The following STK39 variants were observed in gnomAD, a reference collection of about 807,000 sequenced individuals.
STK39 encodes STE20/SPS1-related proline-alanine-rich protein kinase.
A neutral mutation model predicts 77.8 loss-of-function variants in STK39; 20 were observed. That is an observed-to-expected ratio of 0.26 (90% CI 0.18 to 0.37). The LOEUF is 0.37. Among genes scored for constraint, STK39 ranks in the 10% least tolerant of loss-of-function variants. The pLI is 1.00. For synonymous variants in STK39, 246 were observed against 234.1 expected, an observed-to-expected ratio of 1.05 and a Z score of -0.47; for missense variants, 479 against 656.5, an observed-to-expected ratio of 0.73 and a Z score of 2.95.
intron 10 of STK39, among the ~76,000 whole-genome samples, chr2:168,100,484 G>A (rs1333096132): frequency 4.6e-5 from 7 of 152,052 alleles, no homozygotes; most frequent in East Asian, 1.9e-4. Context: ...GGCTGGTCTC[G>A]AACTCCTGGG....
intron 3 of STK39, 89 bp from the exon 4 acceptor site, chr2:168,163,969 C>T: frequency 6.7e-7 from 1 of 1,488,692 alleles, no homozygotes; most frequent in Non-Finnish European, 9.0e-7. Context: ...TTAATAGAAA[C>T]ATCAAAATAT....
chr2:168,220,540 T>C lies in STK39; in HGVS notation c.208+26688A>G, dbSNP rs558885299. On this transcript the variant is annotated intron_variant, in intron 1 of 17. Coordinates refer to ENST00000355999, the MANE Select transcript of STK39 (RefSeq NM_013233.3). ...AGAGCAGCGATTAATAGAGCACTGA[T>C]AGGTGAAAGAGATGACTAACATGGA... is the stretch of plus-strand genomic sequence containing the variant. Among the ~76,000 whole-genome samples, 9 of 152,270 alleles carry C rather than the reference T, an allele frequency of 5.9e-5. No individual in the cohort carries two copies. In the East Asian group the frequency reaches 7.7e-4, roughly 13 times the overall value.
Position 168,118,473 on chromosome 2 carries a change from A to T in STK39, c.1089+11068T>A, listed in dbSNP as rs1322101296. Among the ~76,000 whole-genome samples the T allele has an allele frequency of 2.6e-5, 4 of 152,230 alleles. No homozygotes were observed. The East Asian group carries it at 7.7e-4, about 29-fold the overall frequency. ...AAGTTTACACAGCTCACTGTCTTTC[A>T]AGATCAATCTAAAAATAAAGACATT... is the stretch of plus-strand genomic sequence containing the variant. On this transcript the variant is annotated intron_variant, in intron 10 of 17. Coordinates refer to ENST00000355999, the MANE Select transcript of STK39 (RefSeq NM_013233.3).
In STK39 at chr2:168,205,460, T is replaced by TA. The variant is rs1559145479; in HGVS notation, c.209-23371dup. Reference sequence around the variant, plus strand: ...AAAATTACTTTATAATATTAAATCTTAAAAAAATAAAATTTCTGAAGCCAA... The same window carrying TA: ...AAAATTACTTTATAATATTAAATCTTAAAAAAAATAAAATTTCTGAAGCCAA... On this transcript the variant is annotated intron_variant, in intron 1 of 17. Coordinates refer to ENST00000355999, the MANE Select transcript of STK39 (RefSeq NM_013233.3). 2.0e-5 allele frequency among the ~76,000 whole-genome samples: 3 copies of TA among 152,226 alleles called. No individual in the cohort carries two copies. The South Asian group carries it at 6.2e-4, about 32-fold the overall frequency.
In STK39 at chr2:167,955,313, T is replaced by TA. The variant is rs1279441647; in HGVS notation, c.*182_*183insT. The TA allele has an allele frequency of 9.0e-6, 5 of 557,742 alleles. No homozygotes were observed. Among genetic ancestry groups the TA allele is most frequent in the Admixed American group, 3.3e-5 (1 of 29,974 alleles). The allele number at this position is 557,742 out of a possible 1,614,324, so 34.5% of individuals were successfully genotyped here. A position where few individuals can be genotyped will look rare whatever the true frequency, so the allele number is the denominator to read the frequency against. ...GAGAATAAAGCAGAACTCGGAGTGT[T>TA]GTAAGTTTTAAAAAATTATTTTTTT... On this transcript the variant is annotated 3_prime_UTR_variant, in exon 18 of 18. Transcript: ENST00000355999.
At chr2:168,076,567 T>C (rs1225411504) in intron 10 of STK39, among the ~76,000 whole-genome samples, 1 of 152,208 alleles carries the variant, frequency 6.6e-6, no homozygotes, top group East Asian at 1.9e-4. Context: ...CCTTACCATC[T>C]AGAACCTGTA....
At chr2:168,104,605 G>T (rs1198633714) in intron 10 of STK39, among the ~76,000 whole-genome samples, 3 of 152,182 alleles carry the variant, frequency 2.0e-5, no homozygotes, top group Non-Finnish European at 4.4e-5. Context: ...AATATTTTCA[G>T]AAAATGAGTG....
At position 168,038,138 on chromosome 2, in the gene STK39, A is replaced by G. The variant is rs76922295; in HGVS notation, c.1377-21043T>C. ...TAGACTAGGATACAAAGCCGAGTCT[A>G]TGGTATAATTAAAAACACACATGTA... On this transcript the variant is annotated intron_variant, in intron 14 of 17. Transcript: ENST00000355999. Among the ~76,000 whole-genome samples, 504 of 152,298 alleles carry G rather than the reference A, an allele frequency of 3.3e-3. 24 individuals carry two copies. The East Asian group carries it at 0.082, about 25-fold the overall frequency.
chr2:168,199,498 T>G (rs1689558168), intron 1 of STK39, among the ~76,000 whole-genome samples: 2 of 152,170 alleles, frequency 1.3e-5, no homozygotes, highest in African/African-American at 4.8e-5. Context: ...GATAAATTAC[T>G]TTGTAAAAGG....
chr2:168,211,042 T>TCCGTTTTCTCTA (rs1430596606), intron 1 of STK39, among the ~76,000 whole-genome samples: 5 of 152,196 alleles, frequency 3.3e-5, no homozygotes, highest in Admixed American at 6.5e-5. Context: ...AACGTATTAG[T>TCCGTTTTCTCTA]CCGTTTTCTC....
rs1198482485 is a variant in STK39, at chr2:168,242,558, AAAATATATATATATAT to A, written c.208+4654_208+4669del. On this transcript the variant is annotated intron_variant, in intron 1 of 17. Coordinates refer to ENST00000355999, the MANE Select transcript of STK39 (RefSeq NM_013233.3). ...AGCAAGACTCTTACAAAAAAAAAAAAAAATATATATATATATATATATATATATATATATATATAAA... is the reference window on the plus strand; with the variant it reads ...AGCAAGACTCTTACAAAAAAAAAAAAATATATATATATATATATATATAAA... Among the ~76,000 whole-genome samples the A allele has an allele frequency of 5.6e-3, 357 of 63,594 alleles. 32 individuals are homozygous for A. The highest frequency in any genetic ancestry group is 0.023 in the African/African-American group (308 of 13,184). 41.7% of individuals were successfully genotyped at this position (63,594 alleles called of 152,430 possible). A position where few individuals can be genotyped will look rare whatever the true frequency, so the allele number is the denominator to read the frequency against.
intron 1 of STK39, among the ~76,000 whole-genome samples, chr2:168,190,762 A>G (rs144107275): frequency 1.1e-3 from 164 of 152,328 alleles, no homozygotes; most frequent in African/African-American, 3.4e-3. Context: ...TCTGACTTTT[A>G]TAGTCAGTAA....
chr2:168,247,427 C>T lies in STK39; in HGVS notation c.9G>A (p.Glu3=). ...GGACGTGCACGGGCGAGCCGCTCGG[C>T]TCCGCCATGATGCTGCGGAGGAGAG... is the stretch of plus-strand genomic sequence containing the variant. MA[E]PSGSPVHVQL... Residue 3 remains glutamate (E), a synonymous_variant, in exon 1 of 18, where the codon GAG becomes GAA. Transcript: ENST00000355999. 7.9e-7 allele frequency: 1 copy of T among 1,261,436 alleles called. No homozygotes were observed. Among genetic ancestry groups the T allele is most frequent in the Non-Finnish European group, 1.0e-6 (1 of 993,386 alleles). 78.1% of individuals were successfully genotyped at this position (1,261,436 alleles called of 1,614,324 possible).
At chr2:168,164,413 C>G (rs921320218) in intron 3 of STK39, among the ~76,000 whole-genome samples, 1 of 151,946 alleles carries the variant, frequency 6.6e-6, no homozygotes, top group Non-Finnish European at 1.5e-5. Context: ...CCTTCTTTTT[C>G]TTTTTTTATT....
chr2:168,224,513 C>T (rs1431043321), intron 1 of STK39, among the ~76,000 whole-genome samples: 2 of 151,682 alleles, frequency 1.3e-5, no homozygotes, highest in East Asian at 3.8e-4. Context: ...CACACTAAGC[C>T]AGGCATTAGG....
At chr2:168,135,773 A>C (rs1351245559) in intron 8 of STK39, among the ~76,000 whole-genome samples, 3 of 152,174 alleles carry the variant, frequency 2.0e-5, no homozygotes, top group Admixed American at 6.5e-5. Context: ...AGAAAGAGCT[A>C]CCTGGGAAGG....
At position 168,167,804 on chromosome 2, in the gene STK39, C is replaced by G. The variant is rs866345249; in HGVS notation, c.322-397G>C. ...TAGGACACCTGCATCCTGGTGCCAG[C>G]CTGAACTCTGGTGGATCTTAGCTCC... is the stretch of plus-strand genomic sequence containing the variant. On this transcript the variant is annotated intron_variant, in intron 2 of 17. Coordinates refer to ENST00000355999, the MANE Select transcript of STK39 (RefSeq NM_013233.3). Among the ~76,000 whole-genome samples, 372 of 152,260 alleles carry G rather than the reference C, an allele frequency of 2.4e-3. 4 individuals are homozygous for G. Among genetic ancestry groups the G allele is most frequent in the African/African-American group, 8.7e-3 (360 of 41,558 alleles).
intron 14 of STK39, among the ~76,000 whole-genome samples, chr2:168,062,032 C>A (rs1431970325): frequency 6.6e-6 from 1 of 152,090 alleles, no homozygotes; most frequent in Non-Finnish European, 1.5e-5. Context: ...TTAAAGGGGC[C>A]ATCATGGAGA....
chr2:168,082,096 A>G (rs563866159), intron 10 of STK39, among the ~76,000 whole-genome samples: 2 of 152,290 alleles, frequency 1.3e-5, no homozygotes, highest in East Asian at 3.9e-4. Flanking sequence ...TGCTGTGTGC[A>G]AAGACAATGG....
Sources: allele counts gnomAD v4.1 joint callset (sites outside exome capture counted in the v4.1 genomes callset), GRCh38; gene constraint gnomAD v4.1.1; transcripts MANE v1.5; gene names NCBI Gene and HGNC (gene_info 2026-07-23, HGNC 2026-07-21).